COL5A1: variants seen among roughly 807,000 people sequenced by gnomAD.
The protein encoded by COL5A1 is collagen alpha-1(V) chain.
A neutral mutation model predicts 263.7 loss-of-function variants in COL5A1; 16 were observed. The observed-to-expected ratio is 0.06, with a 90% CI of 0.04 to 0.09. COL5A1 has a LOEUF of 0.09. Among genes scored for constraint, COL5A1 ranks in the 10% least tolerant of loss-of-function variants. The pLI, the probability that COL5A1 is intolerant of heterozygous loss-of-function variation, is 1.00. For synonymous variants in COL5A1, 1,012 were observed against 1,004.5 expected, an observed-to-expected ratio of 1.01 and a Z score of -0.14; for missense variants, 2,036 against 2,540.5, an observed-to-expected ratio of 0.80 and a Z score of 4.27.
intron 24 of COL5A1, 83 bp downstream of exon 24, chr9:134,767,437 T>A: frequency 8.6e-6 from 11 of 1,282,956 alleles, no homozygotes; most frequent in Non-Finnish European, 1.2e-5. Flanking sequence ...ACCCCTGGTA[T>A]CCACCAGCTC....
intron 1 of COL5A1, among the ~76,000 whole-genome samples, chr9:134,685,133 TC>T (rs1394302604): frequency 2.1e-5 from 3 of 145,490 alleles, no homozygotes; most frequent in African/African-American, 7.8e-5. Flanking sequence ...CATCCATCCA[TC>T]CATCATCCTC....
chr9:134,706,104 T>G (rs55882954), intron 4 of COL5A1, among the ~76,000 whole-genome samples: 7,355 of 152,206 alleles, frequency 0.048, 241 homozygotes, highest in Non-Finnish European at 0.068. Context: ...TAGGATGGGG[T>G]GGGATGGCCA....
chr9:134,732,248 G>A (rs1834915156), intron 9 of COL5A1, 121 bp downstream of exon 9: 3 of 992,506 alleles, frequency 3.0e-6, no homozygotes, highest in African/African-American at 1.6e-5. Context: ...GGGTCACTTC[G>A]AGCAACCACC....
rs764340779 is a variant in COL5A1, at chr9:134,682,586, C to T, written c.110-8326C>T. 4.6e-5 allele frequency among the ~76,000 whole-genome samples: 7 copies of T among 152,198 alleles called. No homozygotes were observed. Among genetic ancestry groups the T allele is most frequent in the Non-Finnish European group, 8.8e-5 (6 of 68,038 alleles). On this transcript the variant is annotated intron_variant, in intron 1 of 65. Coordinates refer to ENST00000371817, the MANE Select transcript of COL5A1 (RefSeq NM_000093.5). The surrounding 1 kb of genome is among the most constrained non-coding windows in gnomAD (Gnocchi z 5.1). ...GGGAGAGCCTGCTGCCCAGGAAGGG[C>T]GCAGGAATCCCGGAGGTCAGGCAGG...
Position 134,815,045 on chromosome 9 carries a change from C to T in COL5A1, c.4014+141C>T, listed in dbSNP as rs1838688346. The T allele has an allele frequency of 6.1e-6, 4 of 655,580 alleles. 1 individual carries two copies. The highest frequency in any genetic ancestry group is 7.8e-4 in the Middle Eastern group (2 of 2,564). The allele number at this position is 655,580 out of a possible 1,614,324, so 40.6% of individuals were successfully genotyped here. A position where few individuals can be genotyped will look rare whatever the true frequency, so the allele number is the denominator to read the frequency against. ...ATGTGTTGGGTAAATTTTCTAGACA[C>T]TAGAGGTTTTCATACCAGCTACTGA... On this transcript the variant is annotated intron_variant, in intron 50 of 65. Coordinates refer to ENST00000371817, the MANE Select transcript of COL5A1 (RefSeq NM_000093.5).
intron 27 of COL5A1, among the ~76,000 whole-genome samples, chr9:134,775,387 A>G (rs754443725): frequency 3.3e-5 from 5 of 152,216 alleles, no homozygotes. Flanking sequence ...CACCGATAGC[A>G]TCTGGGTGGG....
At chr9:134,823,261 G>A (rs1324318085) in intron 60 of COL5A1, among the ~76,000 whole-genome samples, 155 bp from the exon 61 acceptor site, 3 of 152,236 alleles carry the variant, frequency 2.0e-5, no homozygotes, top group African/African-American at 7.2e-5. Context: ...AAGGATCCAG[G>A]AGGGTACAGG....
intron 1 of COL5A1, among the ~76,000 whole-genome samples, chr9:134,689,454 C>T (rs1833195296): frequency 6.6e-6 from 1 of 152,160 alleles, no homozygotes; most frequent in African/African-American, 2.4e-5. Context: ...CTCCAATTGG[C>T]ATTAGCATAA....
chr9:134,716,866 G>T lies in COL5A1; in HGVS notation c.655-10400G>T, dbSNP rs1427096215. ...TACACGTCTTGGGCTGGTGGCTGCA[G>T]GTGAGAATTGGACTGGGACTGGAGG... is the stretch of plus-strand genomic sequence containing the variant. On this transcript the variant is annotated intron_variant, in intron 4 of 65. Coordinates refer to ENST00000371817, the MANE Select transcript of COL5A1 (RefSeq NM_000093.5). This position sits in a 1 kb window ranked among gnomAD's most constrained non-coding sequence, Gnocchi z 4.5. Among the ~76,000 whole-genome samples the T allele has an allele frequency of 2.6e-5, 4 of 152,202 alleles. No homozygotes were observed. The highest frequency in any genetic ancestry group is 9.6e-5 in the African/African-American group (4 of 41,452).
Position 134,810,349 on chromosome 9 carries a change from C to CG in COL5A1, c.3528+47dup, listed in dbSNP as rs748781434. 27 of 1,599,890 alleles carry CG rather than the reference C, an allele frequency of 1.7e-5. No homozygotes were observed. The African/African-American group carries it at 2.8e-4, about 17-fold the overall frequency. On this transcript the variant is annotated intron_variant, in intron 44 of 65. Coordinates refer to ENST00000371817, the MANE Select transcript of COL5A1 (RefSeq NM_000093.5). ...GGGGCGCGCGGCAGCCCCCAGGTCCCGGGGGGCCTCGTCGCAGGCTGTAGG... is the reference window on the plus strand; with the variant it reads ...GGGGCGCGCGGCAGCCCCCAGGTCCCGGGGGGGCCTCGTCGCAGGCTGTAGG...
chr9:134,800,920 C>T (rs1257161814), intron 37 of COL5A1, among the ~76,000 whole-genome samples: 2 of 152,294 alleles, frequency 1.3e-5, no homozygotes, highest in Non-Finnish European at 2.9e-5. Context: ...ACCTTCTCCT[C>T]CAGCGTCTAG....
intron 63 of COL5A1, among the ~76,000 whole-genome samples, chr9:134,828,314 C>A (rs1839379552): frequency 6.6e-6 from 1 of 152,152 alleles, no homozygotes; most frequent in Non-Finnish European, 1.5e-5. Context: ...CAGGTGGGAG[C>A]CCTCCCAGGA....
At chr9:134,782,585 T>G in intron 28 of COL5A1, 82 bp from the exon 29 acceptor site, 2 of 1,279,948 alleles carry the variant, frequency 1.6e-6, no homozygotes, top group Non-Finnish European at 1.1e-6. Flanking sequence ...GTGCTGAGTG[T>G]GGTTGTTTGG....
Position 134,801,982 on chromosome 9 carries a change from G to C in COL5A1, c.2981G>C (p.Gly994Ala). The change falls in exon 38 of 66, where the codon GGC becomes GCC. Residue 994 changes from glycine to alanine, a missense_variant. Physicochemically the swap from Gly to Ala is moderately conservative, Grantham distance 60 (BLOSUM62 0). This residue lies in a region of COL5A1 where 1,078 missense variants were observed against 1,521.4 expected (regional missense o/e 0.71). Coordinates refer to ENST00000371817, the MANE Select transcript of COL5A1 (RefSeq NM_000093.5). ...TGFQGKTGPP[G>A]PPGVVGPQGP... is the part of the protein sequence containing the mutation. ...TTCCAAGGCAAGACCGGCCCTCCAG[G>C]CCCCCCCGGCGTGGTCGGCCCTCAG... 3.1e-6 allele frequency: 5 copies of C among 1,613,178 alleles called. No homozygotes were observed. The highest frequency in any genetic ancestry group is 1.6e-4 in the Middle Eastern group (1 of 6,062).
At chr9:134,718,328 C>T (rs1032589750) in intron 4 of COL5A1, among the ~76,000 whole-genome samples, 7 of 152,142 alleles carry the variant, frequency 4.6e-5, no homozygotes, top group Non-Finnish European at 7.3e-5. Context: ...GGCCTGGTGG[C>T]GGAAACTTCC....
intron 31 of COL5A1, among the ~76,000 whole-genome samples, chr9:134,787,347 G>A (rs996308905): frequency 3.9e-5 from 6 of 152,186 alleles, no homozygotes; most frequent in Admixed American, 2.6e-4. Context: ...CCTGGGTCCT[G>A]CCCCCTGCCT....
intron 9 of COL5A1, among the ~76,000 whole-genome samples, chr9:134,733,992 C>T (rs1218479504): frequency 4.6e-5 from 7 of 152,128 alleles, no homozygotes; most frequent in African/African-American, 9.7e-5. Flanking sequence ...GATCCCAGTT[C>T]GGTTTCCCCT....
intron 11 of COL5A1, among the ~76,000 whole-genome samples, chr9:134,747,234 T>A (rs933311381): frequency 6.6e-6 from 1 of 152,196 alleles, no homozygotes; most frequent in Non-Finnish European, 1.5e-5. Context: ...GTTCCGGGTG[T>A]CGGTGAGAAG....
At chr9:134,840,314 G>A (rs1417164520) in intron 65 of COL5A1, among the ~76,000 whole-genome samples, 1 of 152,200 alleles carries the variant, frequency 6.6e-6, no homozygotes, top group African/African-American at 2.4e-5. Flanking sequence ...GAAGGGCAGG[G>A]TCAGGGGAGA....
Sources: gnomAD v4.1 joint callset for allele counts (sites outside exome capture counted in the v4.1 genomes callset) on GRCh38, gnomAD v4.1.1 for gene constraint, gnomAD v4.1.1 regional missense constraint, Gnocchi (gnomAD v3.1) non-coding constraint, MANE v1.5 for transcripts, NCBI Gene and HGNC (gene_info 2026-07-23, HGNC 2026-07-21) for gene names.